C11orf65: variants seen among roughly 807,000 people sequenced by gnomAD.
C11orf65 encodes the protein chromosome 11 open reading frame 65.
C11orf65 carries 38 observed loss-of-function variants against 35.3 expected under a neutral mutation model. That is an observed-to-expected ratio of 1.08 (90% CI 0.83 to 1.41). C11orf65 has a LOEUF of 1.41. C11orf65 is among the 40% of genes most tolerant of loss of function. C11orf65 has a pLI of 0.00. For synonymous variants in C11orf65, 105 were observed against 114.4 expected, an observed-to-expected ratio of 0.92 and a Z score of 0.53; for missense variants, 370 against 367.1, an observed-to-expected ratio of 1.01 and a Z score of -0.06.
intron 3 of C11orf65, among the ~76,000 whole-genome samples, chr11:108,424,561 T>C (rs921263383): frequency 2.0e-5 from 3 of 152,076 alleles, no homozygotes; most frequent in African/African-American, 7.2e-5. Flanking sequence ...ACAATAATTA[T>C]GGGAGACTTT....
At chr11:108,326,352 G>A (rs2085688417) in intron 6 of C11orf65, 4 of 1,256,308 alleles carry the variant, frequency 3.2e-6, no homozygotes, top group African/African-American at 1.5e-5. Flanking sequence ...ACAAGATATT[G>A]TAAAACTAGT....
At chr11:108,469,214 A>G (rs1261101304), upstream of C11orf65, among the ~76,000 whole-genome samples, 1 of 122,580 alleles carries the variant, frequency 8.2e-6, no homozygotes, top group African/African-American at 3.7e-5. Context: ...GATTCCCTCT[A>G]AAAAAAAAAA....
chr11:108,457,155 T>G (rs532480793), intron 2 of C11orf65, among the ~76,000 whole-genome samples: 19 of 151,750 alleles, frequency 1.3e-4, no homozygotes, highest in African/African-American at 3.6e-4. Context: ...AATAAGGTAA[T>G]AAAATAGAGG....
In C11orf65 at chr11:108,308,631, T is replaced by G. The variant is rs187869779; in HGVS notation, c.*340A>C. The G allele has an allele frequency of 6.0e-3, 1,263 of 210,170 alleles. 5 individuals are homozygous for G. Among genetic ancestry groups the G allele is most frequent in the Non-Finnish European group, 9.5e-3 (988 of 103,514 alleles). The allele number at this position is 210,170 out of a possible 1,614,324, so 13.0% of individuals were successfully genotyped here. On this transcript the variant is annotated 3_prime_UTR_variant, in exon 7 of 7. Transcript: ENST00000525729. Reference sequence around the variant, plus strand: ...AGAAATAGTGTAGTAGGCCTATAATTTGAATAGGTAGGAATCGATGTCTCA... The same window carrying G: ...AGAAATAGTGTAGTAGGCCTATAATGTGAATAGGTAGGAATCGATGTCTCA...
Position 108,367,149 on chromosome 11 carries a change from G to A in C11orf65, c.226+26059C>T, listed in dbSNP as rs978143944. On this transcript the variant is annotated intron_variant, in intron 2 of 3. Transcript: ENST00000524755. The stretch of plus-strand genomic sequence containing the variant: ...ACTACAGGCGTGTGCCAACACGCCC[G>A]GCTAATTTTTTGTATTTTTATTAGA... 59 of 178,288 alleles carry A rather than the reference G, an allele frequency of 3.3e-4. No homozygotes were observed. Among genetic ancestry groups the A allele is most frequent in the African/African-American group, 1.2e-3 (52 of 42,244 alleles). The allele number at this position is 178,288 out of a possible 1,614,324, so 11.0% of individuals were successfully genotyped here. A position where few individuals can be genotyped will look rare whatever the true frequency, so the allele number is the denominator to read the frequency against.
rs2137917186 is a variant in C11orf65, at chr11:108,365,413, C to G, written c.226+27795G>C. ...GAAAGGAGTGGAAGAAGGCACTGTG[C>G]TCAGTGTTGGTGGACAAGTGAATTT... On this transcript the variant is annotated intron_variant, in intron 2 of 3. Coordinates refer to the C11orf65 transcript ENST00000524755. The G allele has an allele frequency of 6.2e-7, 1 of 1,614,190 alleles. No individual in the cohort carries two copies. The highest frequency in any genetic ancestry group is 8.5e-7 in the Non-Finnish European group (1 of 1,180,036).
At chr11:108,400,329 C>T (rs2092415363) in intron 6 of C11orf65, among the ~76,000 whole-genome samples, 2 of 152,146 alleles carry the variant, frequency 1.3e-5, no homozygotes, top group African/African-American at 4.8e-5. Flanking sequence ...CAAAGTTTAT[C>T]TGCCTCCTTT....
At chr11:108,456,682 C>G (rs2093414399) in intron 2 of C11orf65, among the ~76,000 whole-genome samples, 1 of 151,308 alleles carries the variant, frequency 6.6e-6, no homozygotes, top group South Asian at 2.1e-4. Flanking sequence ...GAGGCTGAGG[C>G]AGGAGGATTG....
intron 3 of C11orf65, among the ~76,000 whole-genome samples, chr11:108,414,268 G>T (rs970985857): frequency 6.6e-6 from 1 of 151,784 alleles, no homozygotes; most frequent in Non-Finnish European, 1.5e-5. Context: ...CATGATGATG[G>T]TTACTCTTCA....
At chr11:108,361,438 A>G (rs1001866037) in intron 2 of C11orf65, among the ~76,000 whole-genome samples, 15 of 151,984 alleles carry the variant, frequency 9.9e-5, no homozygotes, top group African/African-American at 3.6e-4. Flanking sequence ...ACAGAATTGG[A>G]AAAAACTACT....
At chr11:108,339,895 T>C (rs925357411) in intron 2 of C11orf65, among the ~76,000 whole-genome samples, 6 of 152,110 alleles carry the variant, frequency 3.9e-5, no homozygotes, top group Non-Finnish European at 5.9e-5. Context: ...AGAATACTTA[T>C]TAGGCAGGAA....
upstream of C11orf65, among the ~76,000 whole-genome samples, chr11:108,467,875 A>C (rs1294997273): frequency 2.6e-5 from 4 of 152,110 alleles, no homozygotes; most frequent in African/African-American, 9.7e-5. Context: ...CCGAGGCTGG[A>C]GTGCAGTGGC....
intron 2 of C11orf65, among the ~76,000 whole-genome samples, chr11:108,460,445 C>T (rs147042082): frequency 2.8e-4 from 42 of 152,238 alleles, no homozygotes; most frequent in East Asian, 1.2e-3. Flanking sequence ...CAAGTGACCA[C>T]GACATTAACC....
chr11:108,372,800 A>G (rs547306162), intron 2 of C11orf65, among the ~76,000 whole-genome samples: 6 of 152,310 alleles, frequency 3.9e-5, no homozygotes, highest in African/African-American at 1.2e-4. Flanking sequence ...ATTACAAGAA[A>G]GATGCCGGGC....
intron 3 of C11orf65, among the ~76,000 whole-genome samples, chr11:108,334,527 A>G (rs1383579993): frequency 6.6e-6 from 1 of 152,006 alleles, no homozygotes; most frequent in Admixed American, 6.6e-5. Context: ...GATCATCTTA[A>G]ATACATTGTC....
At chr11:108,390,730 T>C (rs2092140584) in intron 7 of C11orf65, among the ~76,000 whole-genome samples, 1 of 152,204 alleles carries the variant, frequency 6.6e-6, no homozygotes, top group Non-Finnish European at 1.5e-5. Flanking sequence ...TTTGTTTGGC[T>C]GTCATTTCTT....
At chr11:108,400,035 G>C (rs1425154001) in intron 6 of C11orf65, among the ~76,000 whole-genome samples, 2 of 152,140 alleles carry the variant, frequency 1.3e-5, no homozygotes, top group African/African-American at 4.8e-5. Context: ...GGGCCATAAA[G>C]CCCAAGTTGT....
intron 2 of C11orf65, chr11:108,367,642 T>C (rs2091404107): frequency 4.8e-6 from 1 of 210,290 alleles, no homozygotes; most frequent in Non-Finnish European, 9.7e-6. Context: ...TTATATAAAT[T>C]TTTTTCTTAT....
At chr11:108,399,771 A>T (rs1459144524) in intron 6 of C11orf65, among the ~76,000 whole-genome samples, 2 of 152,176 alleles carry the variant, frequency 1.3e-5, no homozygotes, top group African/African-American at 4.8e-5. Context: ...TTATGGTTTA[A>T]TTGATTAGAT....
Sources: allele counts gnomAD v4.1 joint callset (sites outside exome capture counted in the v4.1 genomes callset), GRCh38; gene constraint gnomAD v4.1.1; transcripts MANE v1.5; gene names NCBI Gene and HGNC (gene_info 2026-07-23, HGNC 2026-07-21).